TBC1D7: variants seen among roughly 807,000 people sequenced by gnomAD.
TBC1D7 encodes TBC domain family 7.
Under a neutral mutation model 35.3 loss-of-function variants are expected in TBC1D7, and 33 were observed. The ratio of observed to expected loss-of-function variants is 0.93; its 90% CI spans 0.71 to 1.25. The LOEUF (loss-of-function observed/expected upper bound fraction) is 1.25. TBC1D7 is among the 50% of genes most tolerant of loss of function. The probability of loss-of-function intolerance (pLI) is 0.00; values close to 1 mark genes in which losing one functional copy is unlikely to be tolerated. For synonymous variants in TBC1D7, 135 were observed against 129.5 expected, an observed-to-expected ratio of 1.04 and a Z score of -0.29; for missense variants, 362 against 365.3, an observed-to-expected ratio of 0.99 and a Z score of 0.07.
rs781087857 is a variant in TBC1D7, at chr6:13,325,211, A to G, written c.113-37T>C. The G allele has an allele frequency of 8.9e-6, 13 of 1,454,958 alleles. 1 individual carries two copies. The South Asian group carries it at 1.4e-4, about 16-fold the overall frequency. The allele number at this position is 1,454,958 out of a possible 1,614,324, so 90.1% of individuals were successfully genotyped here. ...AGAAAACAATTGTTAGAAGCTTTTC[A>G]TGCTGATCACAGTATGTCAAGGCAC... On this transcript the variant is annotated intron_variant, in intron 2 of 7. Coordinates refer to ENST00000379300, the MANE Select transcript of TBC1D7 (RefSeq NM_016495.6).
intron 7 of TBC1D7, 44 bp downstream of exon 7, chr6:13,306,354 G>GT (rs776980715): frequency 1.3e-6 from 2 of 1,554,072 alleles, no homozygotes; most frequent in Admixed American, 2.2e-5. Context: ...ACTTGCTAAG[G>GT]TAACTTCATT....
intron 3 of TBC1D7, among the ~76,000 whole-genome samples, chr6:13,324,084 C>T (rs1784239132): frequency 6.6e-6 from 1 of 152,080 alleles, no homozygotes; most frequent in Non-Finnish European, 1.5e-5. Flanking sequence ...TTAGTACTCG[C>T]CACTATCTTA....
intron 7 of TBC1D7, 170 bp downstream of exon 7, chr6:13,306,224 TTAAA>T: frequency 2.0e-6 from 1 of 490,130 alleles, no homozygotes; most frequent in South Asian, 4.0e-5. Context: ...ATTATTTCTC[TTAAA>T]TAATTTCCCT....
chr6:13,315,612 GA>G (rs1484376901), intron 5 of TBC1D7, among the ~76,000 whole-genome samples: 4 of 152,202 alleles, frequency 2.6e-5, no homozygotes, highest in African/African-American at 9.6e-5. Context: ...ACTTACTTGG[GA>G]GGCTAAAGCA....
chr6:13,324,831 C>G (rs1333249740), intron 3 of TBC1D7, among the ~76,000 whole-genome samples: 2 of 152,222 alleles, frequency 1.3e-5, no homozygotes, highest in Non-Finnish European at 2.9e-5. Flanking sequence ...GGTTACCCAG[C>G]TGATAGCAAA....
At chr6:13,308,326 G>A (rs1782955138) in intron 5 of TBC1D7, among the ~76,000 whole-genome samples, 1 of 152,212 alleles carries the variant, frequency 6.6e-6, no homozygotes, top group African/African-American at 2.4e-5. Flanking sequence ...GTGCCAAGCA[G>A]GCTCACACAA....
At chr6:13,322,216 C>T (rs984001481) in intron 3 of TBC1D7, among the ~76,000 whole-genome samples, 4 of 151,530 alleles carry the variant, frequency 2.6e-5, no homozygotes, top group Non-Finnish European at 4.4e-5. Context: ...ATCGTACCAC[C>T]GCACGCCAGC....
chr6:13,312,409 A>G (rs2919686), intron 5 of TBC1D7, among the ~76,000 whole-genome samples: 46,806 of 152,090 alleles, frequency 0.31, 7,489 homozygotes, highest in South Asian at 0.46. Context: ...AAAACAGGCC[A>G]GGCGTGGTGG....
chr6:13,307,889 G>A, intron 5 of TBC1D7, 144 bp from the exon 6 acceptor site: 1 of 886,226 alleles, frequency 1.1e-6, no homozygotes, highest in South Asian at 1.8e-5. Context: ...AGTCACTTGT[G>A]ACACAGCAGT....
intron 3 of TBC1D7, among the ~76,000 whole-genome samples, chr6:13,322,686 A>C (rs1487749983): frequency 2.6e-5 from 4 of 152,188 alleles, no homozygotes; most frequent in Non-Finnish European, 4.4e-5. Context: ...TAGAAAAAAA[A>C]CTTGCTTAAA....
chr6:13,313,183 A>G (rs1320139540), intron 5 of TBC1D7, among the ~76,000 whole-genome samples: 1 of 152,222 alleles, frequency 6.6e-6, no homozygotes, highest in African/African-American at 2.4e-5. Flanking sequence ...TGTCTCAATG[A>G]GTCCTAGAAT....
chr6:13,315,485 G>A (rs1310434597), intron 5 of TBC1D7, among the ~76,000 whole-genome samples: 1 of 152,182 alleles, frequency 6.6e-6, no homozygotes, highest in East Asian at 1.9e-4. Flanking sequence ...AGGCCAAGGT[G>A]GGCGGATAAC....
At position 13,323,416 on chromosome 6, in the gene TBC1D7, T is replaced by G. The variant is rs540768531; in HGVS notation, c.193+1678A>C. Reference sequence around the variant, plus strand: ...GAGTAGAAGTGAGGAATAAGCCAGATAGGCTGTAGCACTCAAGAAGTGAGG... The same window carrying G: ...GAGTAGAAGTGAGGAATAAGCCAGAGAGGCTGTAGCACTCAAGAAGTGAGG... On this transcript the variant is annotated intron_variant, in intron 3 of 7. Coordinates refer to ENST00000379300, the MANE Select transcript of TBC1D7 (RefSeq NM_016495.6). Among the ~76,000 whole-genome samples, 68 of 152,100 alleles carry G rather than the reference T, an allele frequency of 4.5e-4. 1 individual carries two copies. In the South Asian group the frequency reaches 0.014, roughly 32 times the overall value.
At chr6:13,315,924 G>C (rs1437079797) in intron 5 of TBC1D7, among the ~76,000 whole-genome samples, 1 of 152,184 alleles carries the variant, frequency 6.6e-6, no homozygotes, top group African/African-American at 2.4e-5. Flanking sequence ...CATGCAGAGG[G>C]AAAGCCTAAT....
intron 3 of TBC1D7, among the ~76,000 whole-genome samples, chr6:13,324,235 C>G (rs1358970671): frequency 2.0e-5 from 3 of 151,894 alleles, no homozygotes; most frequent in African/African-American, 7.3e-5. Context: ...TCAAGCGATT[C>G]TCCTTCCTCA....
intron 5 of TBC1D7, among the ~76,000 whole-genome samples, chr6:13,316,290 G>A (rs996924402): frequency 6.6e-6 from 1 of 152,182 alleles, no homozygotes; most frequent in Non-Finnish European, 1.5e-5. Context: ...GGCCACCTCT[G>A]GCCTGCAGCA....
rs3800482 is a variant in TBC1D7 at position 13,307,288 on chromosome 6, C to T, written c.665+312G>A. ...TTTAAAGATATCATGATGAAACTAA[C>T]ACTAAGATTTCTACTGGAGGAAGAT... is the stretch of plus-strand genomic sequence containing the variant. On this transcript the variant is annotated intron_variant, in intron 6 of 7. Coordinates refer to ENST00000379300, the MANE Select transcript of TBC1D7 (RefSeq NM_016495.6). 0.13 allele frequency: 29,534 copies of T among 231,896 alleles called. 2,269 individuals carry two copies. Among genetic ancestry groups the T allele is most frequent in the East Asian group, 0.33 (3,478 of 10,406 alleles). The allele number at this position is 231,896 out of a possible 1,614,324, so 14.4% of individuals were successfully genotyped here.
intron 4 of TBC1D7, among the ~76,000 whole-genome samples, chr6:13,317,505 G>A (rs1783718337): frequency 6.6e-6 from 1 of 152,246 alleles, no homozygotes; most frequent in Middle Eastern, 3.4e-3. Context: ...AATCAAAATT[G>A]TTATTTTAAT....
chr6:13,316,442 A>G, intron 5 of TBC1D7, 129 bp downstream of exon 5: 1 of 990,426 alleles, frequency 1.0e-6, no homozygotes, highest in East Asian at 2.4e-5. Flanking sequence ...TTTACAGAAA[A>G]CGCTTGCTGA....
Sources: allele counts gnomAD v4.1 joint callset (sites outside exome capture counted in the v4.1 genomes callset), GRCh38; gene constraint gnomAD v4.1.1; transcripts MANE v1.5; gene names NCBI Gene and HGNC (gene_info 2026-07-23, HGNC 2026-07-21).